Variants in IFT140 observed in about 807,000 individuals in gnomAD.
IFT140 encodes the protein intraflagellar transport 140.
A neutral mutation model predicts 164.6 loss-of-function variants in IFT140; 133 were observed. The observed-to-expected ratio is 0.81, with a 90% CI of 0.70 to 0.93. The LOEUF (loss-of-function observed/expected upper bound fraction) is 0.93. Among genes scored for constraint, IFT140 ranks in the 40% least tolerant of loss-of-function variants. The probability of loss-of-function intolerance (pLI) is 0.00; values close to 1 mark genes in which losing one functional copy is unlikely to be tolerated. For missense variants in IFT140, 2,045 were observed against 1,972.3 expected (o/e 1.04, Z -0.70); for synonymous variants, 860 against 817.3 (o/e 1.05, Z -0.89).
At chr16:1,608,658 C>T (rs1483122340) in intron 2 of IFT140, among the ~76,000 whole-genome samples, 2 of 150,078 alleles carry the variant, frequency 1.3e-5, no homozygotes, top group East Asian at 3.9e-4. Flanking sequence ...AAAAGAAACC[C>T]GAACAACAAA....
intron 18 of IFT140, among the ~76,000 whole-genome samples, chr16:1,558,362 T>C (rs1436166883): frequency 6.6e-6 from 1 of 152,250 alleles, no homozygotes; most frequent in African/African-American, 2.4e-5. Context: ...AAGCAAAGGC[T>C]GCCCGTGCAG....
At position 1,602,588 on chromosome 16, in the gene IFT140, C is replaced by T; in HGVS notation, c.151G>A (p.Glu51Lys). Residue 51 changes from glutamate (E) to lysine (K), a missense_variant, in exon 4 of 31, where the codon GAG becomes AAG. Physicochemically the swap from Glu to Lys is moderately conservative, Grantham distance 56. Transcript: ENST00000426508. ...GSVDIYLEQG[E>K]CVPDTHVERP... ...TCGACGTGTGTATCTGGCACGCACTCCCCCTGCATTGGATGAGAGGCAAAT... is the reference window on the plus strand; with the variant it reads ...TCGACGTGTGTATCTGGCACGCACTTCCCCTGCATTGGATGAGAGGCAAAT... The T allele has an allele frequency of 1.2e-6, 2 of 1,610,732 alleles. No individual in the cohort carries two copies. Among genetic ancestry groups the T allele is most frequent in the Non-Finnish European group, 1.7e-6 (2 of 1,179,862 alleles).
chr16:1,565,128 C>T (rs2033639221), intron 16 of IFT140, among the ~76,000 whole-genome samples: 1 of 152,162 alleles, frequency 6.6e-6, no homozygotes, highest in African/African-American at 2.4e-5. Flanking sequence ...AAGCCACACA[C>T]GGCAGGCGCA....
chr16:1,541,671 G>C (rs917249712), intron 19 of IFT140, among the ~76,000 whole-genome samples: 4 of 152,108 alleles, frequency 2.6e-5, no homozygotes, highest in African/African-American at 9.7e-5. Context: ...GTCCCTGCAG[G>C]GATACGACCA....
chr16:1,520,764 G>T lies in IFT140; in HGVS notation c.3498C>A (p.Ile1166=). The part of the protein sequence containing the change: ...LQLCLGQNMS[I]TEEMAEKMTV... ...TCATCTTTTCCGCCATCTCCTCGGTGATGCTCATGTTCTGCCCCAGGCACA... is the reference window on the plus strand; with the variant it reads ...TCATCTTTTCCGCCATCTCCTCGGTTATGCTCATGTTCTGCCCCAGGCACA... Residue 1166 remains isoleucine (I), a synonymous_variant, in exon 27 of 31, where the codon ATC becomes ATA. Coordinates refer to ENST00000426508, the MANE Select transcript of IFT140 (RefSeq NM_014714.4). 3 of 1,608,330 alleles carry T rather than the reference G, an allele frequency of 1.9e-6. No homozygotes were observed. The highest frequency in any genetic ancestry group is 1.6e-4 in the Middle Eastern group (1 of 6,062).
At chr16:1,591,642 C>A (rs1047809670) in intron 6 of IFT140, among the ~76,000 whole-genome samples, 6 of 152,172 alleles carry the variant, frequency 3.9e-5, no homozygotes, top group African/African-American at 1.4e-4. Context: ...CTGGCCTTGG[C>A]TGCGCAGCCT....
intron 3 of IFT140, among the ~76,000 whole-genome samples, chr16:1,605,820 G>T (rs1462163228): frequency 6.6e-6 from 1 of 152,188 alleles, no homozygotes; most frequent in East Asian, 1.9e-4. Flanking sequence ...ACAAAGATAT[G>T]TGGAAGTCCT....
chr16:1,564,238 C>T lies in IFT140; in HGVS notation c.1902-76G>A. 2 of 1,348,126 alleles carry T rather than the reference C, an allele frequency of 1.5e-6. No individual in the cohort carries two copies. Among genetic ancestry groups the T allele is most frequent in the Non-Finnish European group, 2.0e-6 (2 of 998,818 alleles). 83.5% of individuals were successfully genotyped at this position (1,348,126 alleles called of 1,614,324 possible). The stretch of plus-strand genomic sequence containing the variant: ...ACCAGTCTCCCTCCCACACACATTC[C>T]CGAAGCCTCCAGGTGCTGTCCCAGA... On this transcript the variant is annotated intron_variant, in intron 16 of 30. Transcript: ENST00000426508. This position sits in a 1 kb window ranked among gnomAD's most constrained non-coding sequence, Gnocchi z 5.5.
chr16:1,567,075 C>G (rs565752512), intron 15 of IFT140, among the ~76,000 whole-genome samples: 1 of 152,126 alleles, frequency 6.6e-6, no homozygotes. Context: ...AACATCTCCT[C>G]ACCCAGTTTC....
chr16:1,595,062 G>C (rs1246788940), intron 4 of IFT140, among the ~76,000 whole-genome samples: 1 of 152,210 alleles, frequency 6.6e-6, no homozygotes, highest in Non-Finnish European at 1.5e-5. Context: ...GAGGCGGGCG[G>C]ATCACAAGGT....
At chr16:1,595,177 CG>C (rs1223714034) in intron 4 of IFT140, among the ~76,000 whole-genome samples, 3 of 152,066 alleles carry the variant, frequency 2.0e-5, no homozygotes, top group Non-Finnish European at 4.4e-5. Flanking sequence ...CCCAGCTACT[CG>C]GGAGGCTGAG....
At chr16:1,552,104 T>C (rs1195352345) in intron 19 of IFT140, among the ~76,000 whole-genome samples, 1 of 152,132 alleles carries the variant, frequency 6.6e-6, no homozygotes. Context: ...GGATGAATGA[T>C]GTGTGGAACT....
chr16:1,596,335 CTTTGT>C (rs1052248986), intron 4 of IFT140, among the ~76,000 whole-genome samples: 2 of 152,020 alleles, frequency 1.3e-5, no homozygotes, highest in Admixed American at 1.3e-4. Context: ...TTTTGTTTTG[CTTTGT>C]TTTGTTTTGA....
chr16:1,556,495 C>T (rs117291657), intron 19 of IFT140, among the ~76,000 whole-genome samples: 1 of 152,362 alleles, frequency 6.6e-6, no homozygotes, highest in Non-Finnish European at 1.5e-5. Context: ...ATCAGGCCAC[C>T]CGCTGCTAAT....
chr16:1,606,924 G>T (rs971681250), intron 3 of IFT140, among the ~76,000 whole-genome samples, 196 bp downstream of exon 3: 1 of 150,520 alleles, frequency 6.6e-6, no homozygotes, highest in African/African-American at 2.5e-5. Flanking sequence ...ACCCACGTGT[G>T]CGCACACACA....
At chr16:1,585,156 C>G (rs2034801870) in intron 10 of IFT140, among the ~76,000 whole-genome samples, 2 of 152,198 alleles carry the variant, frequency 1.3e-5, no homozygotes, top group Admixed American at 6.5e-5. Flanking sequence ...GTGTTCGTAA[C>G]AGCATTATTC....
intron 17 of IFT140, 109 bp from the exon 18 acceptor site, chr16:1,562,225 T>A: frequency 1.1e-6 from 1 of 913,646 alleles, no homozygotes; most frequent in Non-Finnish European, 1.6e-6. Flanking sequence ...GGGTCGTTGC[T>A]ACACACTGCG....
chr16:1,593,193 G>A (rs977303823), intron 4 of IFT140, among the ~76,000 whole-genome samples: 1 of 152,228 alleles, frequency 6.6e-6, no homozygotes, highest in East Asian at 1.9e-4. Flanking sequence ...GTGTATACAC[G>A]ATGAAAATTT....
intron 13 of IFT140, chr16:1,579,437 G>T (rs553789393): frequency 6.6e-6 from 1 of 152,376 alleles, no homozygotes; most frequent in East Asian, 1.9e-4. Flanking sequence ...AGGCAAGGTG[G>T]AAGAGCTGGA....
Sources: allele counts gnomAD v4.1 joint callset (sites outside exome capture counted in the v4.1 genomes callset), GRCh38; gene constraint gnomAD v4.1.1; non-coding constraint Gnocchi (gnomAD v3.1); transcripts MANE v1.5; gene names NCBI Gene and HGNC (gene_info 2026-07-23, HGNC 2026-07-21).